The following PNPLA8 variants were observed in gnomAD, a reference collection of about 807,000 sequenced individuals.
PNPLA8 encodes calcium-independent phospholipase A2-gamma.
In PNPLA8, 39 loss-of-function variants were observed where a neutral mutation model predicts 76.9. That is an observed-to-expected ratio of 0.51 (90% CI 0.39 to 0.66). The LOEUF (loss-of-function observed/expected upper bound fraction) is 0.66. Ranked by LOEUF, PNPLA8 falls within the 30% of genes least tolerant of loss-of-function variation. PNPLA8 has a pLI of 0.00. For missense variants in PNPLA8, 887 were observed against 918.0 expected (o/e 0.97, Z 0.44); for synonymous variants, 301 against 307.9 (o/e 0.98, Z 0.24).
chr7:108,524,915 C>G (rs1029390657), intron 1 of PNPLA8, among the ~76,000 whole-genome samples: 1 of 152,090 alleles, frequency 6.6e-6, no homozygotes, highest in Admixed American at 6.5e-5. Flanking sequence ...TTCAGCACAA[C>G]CCCTCTAACT....
intron 4 of PNPLA8, among the ~76,000 whole-genome samples, chr7:108,507,115 G>C (rs1862495966): frequency 2.0e-5 from 3 of 151,958 alleles, no homozygotes; most frequent in Non-Finnish European, 4.4e-5. Flanking sequence ...GGCCGAGGCA[G>C]GTGGATTACC....
intron 7 of PNPLA8, among the ~76,000 whole-genome samples, chr7:108,496,235 C>T (rs780640969): frequency 1.3e-5 from 2 of 151,578 alleles, no homozygotes; most frequent in South Asian, 4.2e-4. Flanking sequence ...GAGCGTGTGT[C>T]GAAAAACAAA....
At chr7:108,520,520 T>C (rs947485224) in intron 2 of PNPLA8, among the ~76,000 whole-genome samples, 4 of 152,172 alleles carry the variant, frequency 2.6e-5, no homozygotes, top group Non-Finnish European at 5.9e-5. Flanking sequence ...TAATGAGTTA[T>C]AGTATTTGAA....
At chr7:108,517,101 G>A (rs1462048752) in intron 2 of PNPLA8, among the ~76,000 whole-genome samples, 2 of 152,180 alleles carry the variant, frequency 1.3e-5, no homozygotes, top group African/African-American at 4.8e-5. Flanking sequence ...GCCAAAGGCC[G>A]TAACAGACAC....
chr7:108,494,197 G>T (rs1156875277), intron 7 of PNPLA8, among the ~76,000 whole-genome samples: 1 of 152,090 alleles, frequency 6.6e-6, no homozygotes, highest in African/African-American at 2.4e-5. Flanking sequence ...GAGTAGAAAA[G>T]ACTTATTTAT....
rs148834592 is a variant in PNPLA8, at chr7:108,518,720, AATATATATATATATATATAT to A, written c.-84+2736_-84+2755del. On this transcript the variant is annotated intron_variant, in intron 2 of 10. Transcript: ENST00000257694. ...GTTCTATATAAGCTATATGCACATG[AATATATATATATATATATAT>A]ATATATATATATATATATACACACA... is the stretch of plus-strand genomic sequence containing the variant. 2.5e-4 allele frequency among the ~76,000 whole-genome samples: 31 copies of A among 123,952 alleles called. 1 individual carries two copies. Among genetic ancestry groups the A allele is most frequent in the Admixed American group, 5.2e-4 (6 of 11,488 alleles). The allele number at this position is 123,952 out of a possible 152,430, so 81.3% of individuals were successfully genotyped here.
chr7:108,481,263 T>C (rs1312074795), intron 9 of PNPLA8, among the ~76,000 whole-genome samples: 7 of 152,248 alleles, frequency 4.6e-5, no homozygotes, highest in Admixed American at 4.6e-4. Context: ...AAGTATACGT[T>C]TAACTTTATA....
rs1192207735 is a variant in PNPLA8, at chr7:108,478,011, G to A, written c.2074+1173C>T. Among the ~76,000 whole-genome samples, 3 of 152,158 alleles carry A rather than the reference G, an allele frequency of 2.0e-5. 1 individual carries two copies. In the East Asian group the frequency reaches 5.8e-4, roughly 29 times the overall value. ...GGATAAATTCTTGCCTTGCATTCTT[G>A]TTGGACAGAAGGATAATAAGTAAAC... On this transcript the variant is annotated intron_variant, in intron 10 of 10. Transcript: ENST00000257694.
At chr7:108,527,148 A>C (rs1725207687), upstream of PNPLA8, among the ~76,000 whole-genome samples, 1 of 152,180 alleles carries the variant, frequency 6.6e-6, no homozygotes, top group Non-Finnish European at 1.5e-5. Flanking sequence ...CTGTACTCTC[A>C]AGGCTTACCC....
At chr7:108,488,740 T>C (rs557157048) in intron 8 of PNPLA8, among the ~76,000 whole-genome samples, 3 of 152,314 alleles carry the variant, frequency 2.0e-5, no homozygotes, top group Admixed American at 1.3e-4. Context: ...AACCTGGTAG[T>C]TGGGTAATGT....
chr7:108,491,684 T>A (rs1456573384), intron 7 of PNPLA8, among the ~76,000 whole-genome samples: 1 of 152,188 alleles, frequency 6.6e-6, no homozygotes, highest in Admixed American at 6.5e-5. Context: ...TGCAAGTATC[T>A]ACAGTTCTGA....
intron 9 of PNPLA8, among the ~76,000 whole-genome samples, chr7:108,483,602 C>T (rs11983842): frequency 0.1 from 15,429 of 152,118 alleles, 815 homozygotes; most frequent in Non-Finnish European, 0.11. Context: ...CTTTTTATTG[C>T]TGAGTAATAT....
intron 1 of PNPLA8, among the ~76,000 whole-genome samples, chr7:108,522,177 C>G (rs916888524): frequency 4.6e-5 from 7 of 151,810 alleles, no homozygotes; most frequent in African/African-American, 9.7e-5. Flanking sequence ...GACTATAGTC[C>G]CAGCTATTCG....
chr7:108,526,100 C>T lies in PNPLA8; in HGVS notation c.-201G>A. On this transcript the variant is annotated 5_prime_UTR_variant, in exon 1 of 11. Coordinates refer to ENST00000257694, the MANE Select transcript of PNPLA8 (RefSeq NM_001256007.3). ...TTCCCGGCAATGACGTCCACTCCAA[C>T]CGGCCTGCATCAGCTGAGCTTCCAA... 6.1e-6 allele frequency: 6 copies of T among 985,728 alleles called. No individual in the cohort carries two copies. Among genetic ancestry groups the T allele is most frequent in the Non-Finnish European group, 7.2e-6 (6 of 830,046 alleles). 61.1% of individuals were successfully genotyped at this position (985,728 alleles called of 1,614,324 possible). A position where few individuals can be genotyped will look rare whatever the true frequency, so the allele number is the denominator to read the frequency against.
chr7:108,504,179 C>G (rs958997272), intron 4 of PNPLA8, among the ~76,000 whole-genome samples: 2 of 152,076 alleles, frequency 1.3e-5, no homozygotes, highest in African/African-American at 4.8e-5. Flanking sequence ...AACAGAAGAA[C>G]AAATAAACCC....
At chr7:108,502,442 C>CAAAAAAAAA (rs369261888) in intron 5 of PNPLA8, 49 bp downstream of exon 5, 3 of 624,218 alleles carry the variant, frequency 4.8e-6, no homozygotes, top group African/African-American at 5.1e-5. Flanking sequence ...AACTCCATCT[C>CAAAAAAAAA]AAAAAAAAAA....
intron 10 of PNPLA8, among the ~76,000 whole-genome samples, chr7:108,474,972 C>T (rs1158984452): frequency 2.0e-5 from 3 of 152,134 alleles, no homozygotes; most frequent in Admixed American, 1.3e-4. Flanking sequence ...GTAAGCAAAG[C>T]TTCATCTGTA....
chr7:108,510,498 C>G, intron 4 of PNPLA8: 1 of 1,380,352 alleles, frequency 7.2e-7, no homozygotes, highest in Non-Finnish European at 1.0e-6. Context: ...CCCAAACTGG[C>G]ATTTGTCATC....
intron 10 of PNPLA8, among the ~76,000 whole-genome samples, chr7:108,478,055 T>C (rs1860123491): frequency 6.6e-6 from 1 of 152,128 alleles, no homozygotes; most frequent in South Asian, 2.1e-4. Context: ...ATGTAATATA[T>C]AATTACAATG....
Sources: gnomAD v4.1 joint callset for allele counts (sites outside exome capture counted in the v4.1 genomes callset) on GRCh38, gnomAD v4.1.1 for gene constraint, MANE v1.5 for transcripts, NCBI Gene and HGNC (gene_info 2026-07-23, HGNC 2026-07-21) for gene names.